YWHAZ: variants seen among roughly 807,000 people sequenced by gnomAD.
YWHAZ encodes 14-3-3 protein zeta/delta.
For synonymous variants in YWHAZ, 87 were observed against 103.6 expected (o/e 0.84, Z 0.97); for missense variants, 79 against 284.8 (o/e 0.28, Z 5.20).
chr8:100,930,199 A>G (rs1813668387), intron 2 of YWHAZ, among the ~76,000 whole-genome samples: 3 of 152,148 alleles, frequency 2.0e-5, no homozygotes. Context: ...CCCCGGTTCA[A>G]GTGATTCTTC....
chr8:100,943,712 C>T (rs898268934), intron 2 of YWHAZ, among the ~76,000 whole-genome samples: 2 of 152,130 alleles, frequency 1.3e-5, no homozygotes, highest in Admixed American at 6.5e-5. Context: ...CCAGGCCGGG[C>T]GCGGTGGCTC....
chr8:100,933,307 C>T (rs769642095), intron 2 of YWHAZ, among the ~76,000 whole-genome samples: 7 of 150,902 alleles, frequency 4.6e-5, no homozygotes, highest in Non-Finnish European at 8.8e-5. Context: ...TGCAGTGAGC[C>T]GAGATTGTGC....
Position 100,918,408 on chromosome 8 carries a change from T to TATA in YWHAZ, c.*2284_*2285insTAT, listed in dbSNP as rs1554611374. The TATA allele has an allele frequency of 9.5e-5, 4 of 41,888 alleles. No individual in the cohort carries two copies. The highest frequency in any genetic ancestry group is 1.4e-4 in the African/African-American group (2 of 14,120). 2.6% of individuals were successfully genotyped at this position (41,888 alleles called of 1,614,324 possible). ...AGTCTAGCTATAAAATATAATTACT[T>TATA]TATATATATATATATATATATATAT... On this transcript the variant is annotated 3_prime_UTR_variant, in exon 6 of 6. Coordinates refer to ENST00000395958, the MANE Select transcript of YWHAZ (RefSeq NM_145690.3).
At chr8:100,930,208 T>A (rs1813669548) in intron 2 of YWHAZ, among the ~76,000 whole-genome samples, 1 of 152,190 alleles carries the variant, frequency 6.6e-6, no homozygotes, top group Admixed American at 6.5e-5. Context: ...AAGTGATTCT[T>A]CTGCCTCAGT....
At chr8:100,951,042 A>ACCC in intron 1 of YWHAZ, 1 of 158,652 alleles carries the variant, frequency 6.3e-6, no homozygotes, top group Non-Finnish European at 9.4e-6. Context: ...GCCCCCGTCC[A>ACCC]CACCTCCCCC....
At chr8:100,949,024 A>G (rs1810511307) in intron 1 of YWHAZ, 124 bp from the exon 2 acceptor site, 1 of 1,159,618 alleles carries the variant, frequency 8.6e-7, no homozygotes, top group Non-Finnish European at 1.2e-6. Context: ...GACTGTTCAC[A>G]TGAGGAATTA....
chr8:100,918,420 A>ATATATATATATATG lies in YWHAZ; in HGVS notation c.*2272_*2273insCATATATATATATA, dbSNP rs1345011576. ...AAATATAATTACTTTATATATATAT[A>ATATATATATATATG]TATATATATATATATATATATATAA... On this transcript the variant is annotated 3_prime_UTR_variant, in exon 6 of 6. Transcript: ENST00000395958. The ATATATATATATATG allele has an allele frequency of 2.4e-5, 2 of 82,466 alleles. No individual in the cohort carries two copies. Among genetic ancestry groups the ATATATATATATATG allele is most frequent in the African/African-American group, 9.0e-5 (2 of 22,174 alleles). 5.1% of individuals were successfully genotyped at this position (82,466 alleles called of 1,614,324 possible).
chr8:100,943,372 AACTT>A (rs1221320824), intron 2 of YWHAZ, among the ~76,000 whole-genome samples: 17 of 152,228 alleles, frequency 1.1e-4, no homozygotes, highest in Non-Finnish European at 1.8e-4. Flanking sequence ...TAACTTTTAA[AACTT>A]ACTTGATATC....
chr8:100,923,871 T>C (rs1813190991), intron 5 of YWHAZ, 84 bp downstream of exon 5: 2 of 1,106,430 alleles, frequency 1.8e-6, no homozygotes, highest in Non-Finnish European at 2.6e-6. Context: ...TTAAAAGATG[T>C]ATTTAATAAA....
intron 2 of YWHAZ, among the ~76,000 whole-genome samples, chr8:100,943,719 G>A (rs1274231255): frequency 6.6e-6 from 1 of 152,124 alleles, no homozygotes; most frequent in Non-Finnish European, 1.5e-5. Context: ...GGGCGCGGTG[G>A]CTCACGCCTG....
Position 100,918,445 on chromosome 8 carries a change from A to ATATATATATATATATATATATAT in YWHAZ, c.*2247_*2248insATATATATATATATATATATATA, listed in dbSNP as rs1554611445. The ATATATATATATATATATATATAT allele has an allele frequency of 1.3e-4, 4 of 30,228 alleles. No individual in the cohort carries two copies. The highest frequency in any genetic ancestry group is 1.8e-4 in the African/African-American group (2 of 11,180). 1.9% of individuals were successfully genotyped at this position (30,228 alleles called of 1,614,324 possible). ...ATATATATATATATATATATATATA[A>ATATATATATATATATATATATAT]TTATTTTACCTCCTTGGCTTGGGGG... On this transcript the variant is annotated 3_prime_UTR_variant, in exon 6 of 6. Transcript: ENST00000395958.
rs1167476606 is a variant in YWHAZ, at chr8:100,917,081, A to T, written c.*3612T>A. 6.6e-6 allele frequency: 1 copy of T among 151,668 alleles called. No homozygotes were observed. Among genetic ancestry groups the T allele is most frequent in the African/African-American group, 2.4e-5 (1 of 40,938 alleles). 9.4% of individuals were successfully genotyped at this position (151,668 alleles called of 1,614,324 possible). On this transcript the variant is annotated 3_prime_UTR_variant, in exon 6 of 6. Coordinates refer to ENST00000395958, the MANE Select transcript of YWHAZ (RefSeq NM_145690.3). ...AGACCATCATTGAGCATAGAGCACC[A>T]GTTTTCAAAGTCAAAGTTTCACTCT... is the stretch of plus-strand genomic sequence containing the variant.
chr8:100,950,692 G>A (rs548522329), intron 1 of YWHAZ: 2 of 749,210 alleles, frequency 2.7e-6, no homozygotes, highest in South Asian at 6.1e-5. Context: ...GAAGCCGCCC[G>A]ACCCCGGGGC....
At chr8:100,951,105 A>C in intron 1 of YWHAZ, 7 of 849,976 alleles carry the variant, frequency 8.2e-6, no homozygotes, top group Non-Finnish European at 9.8e-6. Flanking sequence ...CCCCACCAGG[A>C]AAATTCAAGT....
intron 2 of YWHAZ, among the ~76,000 whole-genome samples, chr8:100,943,626 G>T (rs1228182184): frequency 6.6e-6 from 1 of 151,640 alleles, no homozygotes; most frequent in Non-Finnish European, 1.5e-5. Context: ...CAGACTTTTT[G>T]TATTTGTACA....
chr8:100,930,296 A>C (rs187192751), intron 2 of YWHAZ, among the ~76,000 whole-genome samples: 407 of 152,272 alleles, frequency 2.7e-3, no homozygotes, highest in Non-Finnish European at 3.4e-3. Context: ...ACAGGGTTTC[A>C]CTGCATTGGC....
intron 1 of YWHAZ, chr8:100,951,380 G>C (rs1328841876): frequency 7.1e-6 from 7 of 981,220 alleles, no homozygotes; most frequent in East Asian, 1.1e-4. Context: ...CGCCGCCGCA[G>C]CGCCCAGCGC....
chr8:100,925,038 G>A lies in YWHAZ; in HGVS notation c.296C>T (p.Ser99Phe). ...GGGGATCAAGAACTTTTCCAAAAGAGACTTAAGAAGAAAAGAAACAGACAT... is the reference window on the plus strand; with the variant it reads ...GGGGATCAAGAACTTTTCCAAAAGAAACTTAAGAAGAAAAGAAACAGACAT... ...ELRDICNDVLSLLEKFLIPNA... is the reference protein window; with the variant it reads ...ELRDICNDVLFLLEKFLIPNA... The change falls in exon 3 of 6, where the codon TCT (serine) becomes TTT (phenylalanine). Residue 99 changes from serine (S) to phenylalanine (F), a missense_variant and splice_region_variant. Ser to Phe is a radical substitution (Grantham distance 155). Coordinates refer to ENST00000395958, the MANE Select transcript of YWHAZ (RefSeq NM_145690.3). 6.2e-7 allele frequency: 1 copy of A among 1,610,682 alleles called. No individual in the cohort carries two copies. The highest frequency in any genetic ancestry group is 8.5e-7 in the Non-Finnish European group (1 of 1,179,042).
rs1812769480 is a variant in YWHAZ at position 100,917,899 on chromosome 8, T to G, written c.*2794A>C. On this transcript the variant is annotated 3_prime_UTR_variant, in exon 6 of 6. Transcript: ENST00000395958. ...AAAACAAAGAATCTCAGGTTGGAAA[T>G]TTTCCTTAATCTATTGGGAACTACT... The G allele has an allele frequency of 1.3e-5, 2 of 152,150 alleles. No homozygotes were observed. The highest frequency in any genetic ancestry group is 4.8e-5 in the African/African-American group (2 of 41,422). The allele number at this position is 152,150 out of a possible 1,614,324, so 9.4% of individuals were successfully genotyped here.
Sources: allele counts gnomAD v4.1 joint callset (sites outside exome capture counted in the v4.1 genomes callset), GRCh38; gene constraint gnomAD v4.1.1; transcripts MANE v1.5; gene names NCBI Gene and HGNC (gene_info 2026-07-23, HGNC 2026-07-21).